HIVEP2: variants seen among roughly 807,000 people sequenced by gnomAD.
The protein encoded by HIVEP2 is transcription factor HIVEP2.
Under a neutral mutation model 180.7 loss-of-function variants are expected in HIVEP2, and 14 were observed. That is an observed-to-expected ratio of 0.08 (90% CI 0.05 to 0.12). The LOEUF is 0.12. Ranked by LOEUF, HIVEP2 falls within the 10% of genes least tolerant of loss-of-function variation. The probability of loss-of-function intolerance (pLI) is 1.00; values close to 1 mark genes in which losing one functional copy is unlikely to be tolerated. For synonymous variants in HIVEP2, 1,184 were observed against 1,136.4 expected (o/e 1.04, Z -0.84); for missense variants, 2,579 against 3,008.5 (o/e 0.86, Z 3.34).
intron 2 of HIVEP2, among the ~76,000 whole-genome samples, chr6:142,819,691 T>A (rs938218836): frequency 2.0e-5 from 3 of 152,148 alleles, no homozygotes; most frequent in African/African-American, 7.2e-5. Flanking sequence ...TTAATTCACA[T>A]CCTGTGTGAC....
At position 142,774,825 on chromosome 6, in the gene HIVEP2, G is replaced by C; in HGVS notation, c.-87C>G. On this transcript the variant is annotated 5_prime_UTR_variant, in exon 5 of 10. Transcript: ENST00000367603. This position sits in a 1 kb window ranked among gnomAD's most constrained non-coding sequence, Gnocchi z 5.1. ...TCCAAAGCTGTGCTTCTTAAAGCTTGGTTGCTTCCATGTTCCAGGGTGTCT... is the reference window on the plus strand; with the variant it reads ...TCCAAAGCTGTGCTTCTTAAAGCTTCGTTGCTTCCATGTTCCAGGGTGTCT... 1 of 1,528,884 alleles carries C rather than the reference G, an allele frequency of 6.5e-7. No homozygotes were observed. 94.7% of individuals were successfully genotyped at this position (1,528,884 alleles called of 1,614,324 possible).
chr6:142,781,551 A>C (rs1354397116), intron 3 of HIVEP2, among the ~76,000 whole-genome samples: 1 of 152,198 alleles, frequency 6.6e-6, no homozygotes, highest in Non-Finnish European at 1.5e-5. Context: ...GTAAAGACAG[A>C]CATTGTCTGG....
intron 1 of HIVEP2, among the ~76,000 whole-genome samples, chr6:142,923,339 A>G (rs1777728545): frequency 6.6e-6 from 1 of 152,192 alleles, no homozygotes; most frequent in East Asian, 1.9e-4. Flanking sequence ...TCAAAAAAAA[A>G]AAAATCATAG....
intron 1 of HIVEP2, among the ~76,000 whole-genome samples, chr6:142,867,342 A>G (rs1181348275): frequency 1.3e-5 from 2 of 152,166 alleles, no homozygotes; most frequent in Non-Finnish European, 1.5e-5. Context: ...AATCATATAT[A>G]TACTCAACCA....
intron 2 of HIVEP2, among the ~76,000 whole-genome samples, chr6:142,798,081 T>C (rs1373544474): frequency 6.6e-6 from 1 of 151,970 alleles, no homozygotes; most frequent in Non-Finnish European, 1.5e-5. Flanking sequence ...TCTCTTATGG[T>C]GGTGAGGAGA....
chr6:142,775,169 A>T, intron 4 of HIVEP2, 44 bp from the exon 5 acceptor site: 1 of 677,364 alleles, frequency 1.5e-6, no homozygotes, highest in Non-Finnish European at 1.7e-6. Context: ...AACAGTTTCA[A>T]ATAAGAAACC....
chr6:142,874,463 G>A (rs1460289668), intron 1 of HIVEP2, among the ~76,000 whole-genome samples: 1 of 151,790 alleles, frequency 6.6e-6, no homozygotes, highest in Admixed American at 6.6e-5. Context: ...CAGTGTTTTC[G>A]GTAGACAGCA....
intron 1 of HIVEP2, among the ~76,000 whole-genome samples, chr6:142,899,134 G>T (rs1006199642): frequency 3.9e-5 from 6 of 152,122 alleles, no homozygotes; most frequent in Non-Finnish European, 8.8e-5. Context: ...CTTCCTTTGT[G>T]ACTCTACTCC....
At chr6:142,926,957 G>C (rs1185177480) in intron 1 of HIVEP2, among the ~76,000 whole-genome samples, 1 of 151,860 alleles carries the variant, frequency 6.6e-6, no homozygotes, top group African/African-American at 2.4e-5. Context: ...TCGGGTGTCA[G>C]CGGACGGGGG....
At chr6:142,911,831 T>C (rs1189288718) in intron 1 of HIVEP2, among the ~76,000 whole-genome samples, 1 of 152,214 alleles carries the variant, frequency 6.6e-6, no homozygotes, top group Admixed American at 6.5e-5. Context: ...TGTAGATCTA[T>C]GCATGAGTGT....
In HIVEP2 at chr6:142,757,924, A is replaced by G. The variant is rs578042464; in HGVS notation, c.6516+1848T>C. 3.3e-5 allele frequency among the ~76,000 whole-genome samples: 5 copies of G among 152,332 alleles called. No homozygotes were observed. In the East Asian group the frequency reaches 9.6e-4, roughly 29 times the overall value. ...TCTGACTGAAGAATCGCATGTTTGC[A>G]GTTGACTGAACATGCACCACTGTTT... is the stretch of plus-strand genomic sequence containing the variant. On this transcript the variant is annotated intron_variant, in intron 9 of 9. Transcript: ENST00000367603.
Position 142,901,974 on chromosome 6 carries a change from G to A in HIVEP2, c.-641+43125C>T, listed in dbSNP as rs184244737. On this transcript the variant is annotated intron_variant, in intron 1 of 9. Coordinates refer to ENST00000367603, the MANE Select transcript of HIVEP2 (RefSeq NM_006734.4). ...CTGCAAAATGAAATCTTAAGAATTA[G>A]AAAATAGTTTATGAGGAATAAAATA... Among the ~76,000 whole-genome samples the A allele has an allele frequency of 1.1e-3, 162 of 152,168 alleles. 1 individual carries two copies. Among genetic ancestry groups the A allele is most frequent in the African/African-American group, 3.9e-3 (160 of 41,512 alleles).
In HIVEP2 at chr6:142,919,193, C is replaced by T. The variant is rs542895283; in HGVS notation, c.-641+25906G>A. Among the ~76,000 whole-genome samples the T allele has an allele frequency of 3.1e-3, 475 of 152,216 alleles. 2 individuals are homozygous for T. Among genetic ancestry groups the T allele is most frequent in the African/African-American group, 0.011 (453 of 41,532 alleles). ...AAAGAAGCCTCAAAAATTATACAGA[C>T]CTTTGAGGCAAGTCACCTCAACTTT... is the stretch of plus-strand genomic sequence containing the variant. On this transcript the variant is annotated intron_variant, in intron 1 of 9. Transcript: ENST00000367603.
intron 2 of HIVEP2, among the ~76,000 whole-genome samples, chr6:142,804,655 A>G (rs1294605766): frequency 1.3e-5 from 2 of 152,160 alleles, no homozygotes; most frequent in African/African-American, 2.4e-5. Context: ...GGTATTAAGC[A>G]ACAGTAAAAA....
intron 1 of HIVEP2, among the ~76,000 whole-genome samples, chr6:142,882,626 AGG>A (rs367638416): frequency 7.9e-6 from 1 of 126,300 alleles, no homozygotes; most frequent in Admixed American, 8.0e-5. Context: ...AAAAACAGAA[AGG>A]GGGGGAGGGG....
chr6:142,812,118 G>C (rs938342195), intron 2 of HIVEP2, among the ~76,000 whole-genome samples: 2 of 152,212 alleles, frequency 1.3e-5, no homozygotes, highest in Non-Finnish European at 2.9e-5. Flanking sequence ...GGAGATGGAA[G>C]TCCAGGGAGC....
intron 1 of HIVEP2, among the ~76,000 whole-genome samples, chr6:142,846,706 G>A (rs2114912350): frequency 6.6e-6 from 1 of 152,294 alleles, no homozygotes. Context: ...CTTCTACCAG[G>A]AGAGGTTTAC....
rs527944023 is a variant in HIVEP2, at chr6:142,763,672, G to C, written c.5518+1127C>G. Among the ~76,000 whole-genome samples the C allele has an allele frequency of 2.0e-5, 3 of 152,200 alleles. No homozygotes were observed. In the East Asian group the frequency reaches 5.8e-4, roughly 29 times the overall value. ...AATTGCAATATTCCCTGAAACCAAA[G>C]TTTTTATTTTCTTATCTCCTAGGGA... On this transcript the variant is annotated intron_variant, in intron 7 of 9. Transcript: ENST00000367603.
At chr6:142,896,579 T>C (rs997252162) in intron 1 of HIVEP2, among the ~76,000 whole-genome samples, 1 of 152,198 alleles carries the variant, frequency 6.6e-6, no homozygotes, top group Non-Finnish European at 1.5e-5. Flanking sequence ...CAATTCCAAG[T>C]GTTCCCCATT....
Sources: allele counts gnomAD v4.1 joint callset (sites outside exome capture counted in the v4.1 genomes callset), GRCh38; gene constraint gnomAD v4.1.1; non-coding constraint Gnocchi (gnomAD v3.1); transcripts MANE v1.5; gene names NCBI Gene and HGNC (gene_info 2026-07-23, HGNC 2026-07-21).